Variants in FOXP4 observed in about 807,000 individuals in gnomAD.
FOXP4 encodes forkhead box protein P4.
In FOXP4, 25 loss-of-function variants were observed where a neutral mutation model predicts 82.6. The ratio of observed to expected loss-of-function variants is 0.30; its 90% CI spans 0.22 to 0.42. The LOEUF (loss-of-function observed/expected upper bound fraction) is 0.42, where lower values mean the gene tolerates loss of function less well. Among genes scored for constraint, FOXP4 ranks in the 10% least tolerant of loss-of-function variants. The probability of loss-of-function intolerance (pLI) is 1.00; values close to 1 mark genes in which losing one functional copy is unlikely to be tolerated. For missense variants in FOXP4, 785 were observed against 900.9 expected (o/e 0.87, Z 1.65); for synonymous variants, 415 against 388.2 (o/e 1.07, Z -0.81).
chr6:41,567,423 C>T (rs768236876), intron 2 of FOXP4, among the ~76,000 whole-genome samples: 1 of 152,214 alleles, frequency 6.6e-6, no homozygotes, highest in Non-Finnish European at 1.5e-5. Context: ...TTCCTAAGCA[C>T]GTTCTCTGGG....
At chr6:41,581,279 G>C (rs1007242981) in intron 3 of FOXP4, among the ~76,000 whole-genome samples, 2 of 152,158 alleles carry the variant, frequency 1.3e-5, no homozygotes, top group Non-Finnish European at 2.9e-5. Flanking sequence ...TTGGGTTCTT[G>C]ACCCTGGCAC....
At chr6:41,576,542 T>TGA (rs989576775) in intron 2 of FOXP4, among the ~76,000 whole-genome samples, 4 of 151,880 alleles carry the variant, frequency 2.6e-5, no homozygotes, top group Non-Finnish European at 5.9e-5. Context: ...TGGACAGATG[T>TGA]GAGAGAGAGC....
At chr6:41,556,470 G>A (rs945776588) in intron 1 of FOXP4, among the ~76,000 whole-genome samples, 1 of 151,728 alleles carries the variant, frequency 6.6e-6, no homozygotes, top group Non-Finnish European at 1.5e-5. Flanking sequence ...ACTTACAGGC[G>A]CCCGCCAACA....
At chr6:41,585,321 A>T (rs1766043937) in intron 4 of FOXP4, 110 bp from the exon 5 acceptor site, 2 of 1,120,186 alleles carry the variant, frequency 1.8e-6, no homozygotes, top group Admixed American at 5.1e-5. Flanking sequence ...AAGCCAGACC[A>T]TGTTTTAGGG....
intron 2 of FOXP4, 119 bp from the exon 3 acceptor site, chr6:41,577,867 C>T (rs182686468): frequency 1.5e-6 from 1 of 669,038 alleles, no homozygotes; most frequent in South Asian, 1.8e-5. Context: ...ATGACCCTCT[C>T]ACCCCCAAGA....
chr6:41,591,369 C>T lies in FOXP4; in HGVS notation c.1536+47C>T. ...TTCTGGGCCCCAGTCACCCTTGGAC[C>T]TGCCATATCCCATGGAGACCAAGGC... On this transcript the variant is annotated intron_variant, in intron 13 of 16. Transcript: ENST00000307972. This position sits in a 1 kb window ranked among gnomAD's most constrained non-coding sequence, Gnocchi z 4.2. The T allele has an allele frequency of 6.9e-7, 1 of 1,457,996 alleles. No individual in the cohort carries two copies. The highest frequency in any genetic ancestry group is 9.4e-7 in the Non-Finnish European group (1 of 1,061,482). 90.3% of individuals were successfully genotyped at this position (1,457,996 alleles called of 1,614,324 possible).
intron 1 of FOXP4, among the ~76,000 whole-genome samples, chr6:41,550,634 C>G (rs1390270823): frequency 1.3e-5 from 2 of 152,238 alleles, no homozygotes; most frequent in Non-Finnish European, 2.9e-5. Context: ...CCATTCCTCC[C>G]TCCTTCCTCC....
chr6:41,568,383 G>A (rs888001569), intron 2 of FOXP4, among the ~76,000 whole-genome samples: 2 of 152,180 alleles, frequency 1.3e-5, no homozygotes, highest in African/African-American at 4.8e-5. Context: ...CACAATAAAG[G>A]CTGCGTAGAC....
chr6:41,568,239 A>G (rs750320571), intron 2 of FOXP4, among the ~76,000 whole-genome samples: 3 of 152,146 alleles, frequency 2.0e-5, no homozygotes, highest in Non-Finnish European at 2.9e-5. Flanking sequence ...GGACAAACCA[A>G]TGCCTTTCGT....
Position 41,593,392 on chromosome 6 carries a change from TGCTG to T in FOXP4, c.1537-1475_1537-1472del, listed in dbSNP as rs1257042648. Among the ~76,000 whole-genome samples, 1 of 152,202 alleles carries T rather than the reference TGCTG, an allele frequency of 6.6e-6. No homozygotes were observed. On this transcript the variant is annotated intron_variant, in intron 13 of 16. Transcript: ENST00000307972. This position sits in a 1 kb window ranked among gnomAD's most constrained non-coding sequence, Gnocchi z 4.1. Reference sequence around the variant, plus strand: ...TGCCATCTGCCAAGCTGATGGTCCTTGCTGGCCCTCCCCGTGTCCATCCCCTCCC... The same window carrying T: ...TGCCATCTGCCAAGCTGATGGTCCTTGCCCTCCCCGTGTCCATCCCCTCCC...
At position 41,578,038 on chromosome 6, in the gene FOXP4, C is replaced by A. The variant is rs1333101834; in HGVS notation, c.257C>A (p.Ser86Tyr). Residue 86 changes from serine (S) to tyrosine (Y), a missense_variant, in exon 3 of 17, where the codon TCC (serine) becomes TAC (tyrosine). Physicochemically the swap from Ser to Tyr is moderately radical, Grantham distance 144 (BLOSUM62 -2). This residue lies in a region of FOXP4 where 570 missense variants were observed against 634.0 expected (regional missense o/e 0.90). Transcript: ENST00000307972. ...CTGCAGCAGGCCTCAGGCCTGAGCT[C>A]CCCAGGGAACAATGACAGCAAACAG... The part of the protein sequence containing the change: ...FLLQQASGLS[S>Y]PGNNDSKQSA... The A allele has an allele frequency of 2.5e-6, 4 of 1,613,474 alleles. No homozygotes were observed. Among genetic ancestry groups the A allele is most frequent in the Non-Finnish European group, 3.4e-6 (4 of 1,179,978 alleles).
intron 2 of FOXP4, among the ~76,000 whole-genome samples, chr6:41,576,892 T>A (rs974791009): frequency 2.0e-5 from 3 of 152,140 alleles, no homozygotes; most frequent in African/African-American, 7.2e-5. Context: ...CTGCACTGGC[T>A]CCCAAGGGGG....
chr6:41,573,589 A>C lies in FOXP4; in HGVS notation c.205-4397A>C, dbSNP rs542547990. ...TGGTTAGCAAGGCCTTCTGGGTGGC[A>C]CCAGGCAAGTGACCAGGAGCTGCTG... On this transcript the variant is annotated intron_variant, in intron 2 of 16. Coordinates refer to ENST00000307972, the MANE Select transcript of FOXP4 (RefSeq NM_001012426.2). Among the ~76,000 whole-genome samples, 6 of 152,220 alleles carry C rather than the reference A, an allele frequency of 3.9e-5. No individual in the cohort carries two copies. In the East Asian group the frequency reaches 9.7e-4, roughly 25 times the overall value.
chr6:41,586,258 G>GA (rs1305778140), intron 5 of FOXP4, among the ~76,000 whole-genome samples: 5 of 151,986 alleles, frequency 3.3e-5, no homozygotes, highest in African/African-American at 1.2e-4. Context: ...TCTCTCTATT[G>GA]AATAGCCAGC....
intron 15 of FOXP4, 21 bp downstream of exon 15, chr6:41,597,263 C>T (rs1301641307): frequency 6.2e-7 from 1 of 1,612,972 alleles, no homozygotes; most frequent in Non-Finnish European, 8.5e-7. Flanking sequence ...CAGAGCCCAC[C>T]CACTCACCTC....
intron 2 of FOXP4, among the ~76,000 whole-genome samples, chr6:41,571,718 T>G (rs934850127): frequency 2.6e-5 from 4 of 151,598 alleles, no homozygotes; most frequent in Non-Finnish European, 4.4e-5. Flanking sequence ...ACTTCAGGGG[T>G]TTTATGGTCT....
chr6:41,547,288 G>T (rs918651179), intron 1 of FOXP4, among the ~76,000 whole-genome samples: 24 of 152,136 alleles, frequency 1.6e-4, no homozygotes, highest in Non-Finnish European at 2.9e-4. Flanking sequence ...TGGGGTGTAC[G>T]GGGGCGCGAC....
At chr6:41,576,059 C>A (rs1214341904) in intron 2 of FOXP4, among the ~76,000 whole-genome samples, 1 of 151,634 alleles carries the variant, frequency 6.6e-6, no homozygotes, top group East Asian at 1.9e-4. Flanking sequence ...ACCCCCCCCC[C>A]CACCCTTCCT....
chr6:41,568,324 A>G (rs78324519), intron 2 of FOXP4, among the ~76,000 whole-genome samples: 4,977 of 152,240 alleles, frequency 0.033, 285 homozygotes, highest in East Asian at 0.18. Flanking sequence ...TTATTATTCC[A>G]GTTTCACAGA....
Sources: gnomAD v4.1 joint callset for allele counts (sites outside exome capture counted in the v4.1 genomes callset) on GRCh38, gnomAD v4.1.1 for gene constraint, gnomAD v4.1.1 regional missense constraint, Gnocchi (gnomAD v3.1) non-coding constraint, MANE v1.5 for transcripts, NCBI Gene and HGNC (gene_info 2026-07-23, HGNC 2026-07-21) for gene names.